GALNT17: variants seen among roughly 807,000 people sequenced by gnomAD.
GALNT17 encodes the protein polypeptide N-acetylgalactosaminyltransferase 17.
Under a neutral mutation model 63.7 loss-of-function variants are expected in GALNT17, and 29 were observed. That is an observed-to-expected ratio of 0.46 (90% CI 0.34 to 0.62). The LOEUF is 0.62. GALNT17 is among the 20% of genes least tolerant of loss of function. GALNT17 has a pLI of 0.01. For missense variants in GALNT17, 603 were observed against 799.6 expected (o/e 0.75, Z 2.97); for synonymous variants, 305 against 318.3 (o/e 0.96, Z 0.45).
chr7:71,248,197 A>C (rs1277097120), intron 1 of GALNT17, among the ~76,000 whole-genome samples: 2 of 152,210 alleles, frequency 1.3e-5, no homozygotes, highest in Non-Finnish European at 2.9e-5. Flanking sequence ...AGAGAGAGAG[A>C]GAGCACAGGA....
At chr7:71,631,543 G>A (rs1234543650) in intron 6 of GALNT17, among the ~76,000 whole-genome samples, 1 of 152,166 alleles carries the variant, frequency 6.6e-6, no homozygotes. Flanking sequence ...TCTGGAGGAA[G>A]AATATTCCAT....
chr7:71,195,502 C>T (rs1452808420), intron 1 of GALNT17, among the ~76,000 whole-genome samples: 2 of 152,058 alleles, frequency 1.3e-5, no homozygotes, highest in Non-Finnish European at 2.9e-5. Context: ...CTACCTGAGT[C>T]TCCTATAGCT....
intron 5 of GALNT17, among the ~76,000 whole-genome samples, chr7:71,530,860 G>A (rs1788709779): frequency 6.6e-6 from 1 of 152,094 alleles, no homozygotes; most frequent in South Asian, 2.1e-4. Context: ...GAGCCACCAT[G>A]CCCGGCCAAG....
intron 1 of GALNT17, among the ~76,000 whole-genome samples, chr7:71,188,154 G>A (rs182851276): frequency 2.0e-5 from 3 of 151,758 alleles, no homozygotes; most frequent in Admixed American, 6.5e-5. Context: ...GGCTGATTCT[G>A]TGTTTTTGCA....
chr7:71,510,549 G>A (rs146723228), intron 5 of GALNT17, among the ~76,000 whole-genome samples: 165 of 152,166 alleles, frequency 1.1e-3, no homozygotes, highest in Non-Finnish European at 1.7e-3. Context: ...GGTCATAATC[G>A]CTGGGAGAAC....
intron 1 of GALNT17, 79 bp downstream of exon 1, chr7:71,133,119 T>G: frequency 3.2e-6 from 4 of 1,240,468 alleles, no homozygotes; most frequent in Non-Finnish European, 4.3e-6. Context: ...CCTTGCGCGC[T>G]GCGCCCTGTG....
At position 71,132,538 on chromosome 7, in the gene GALNT17, G is replaced by C; in HGVS notation, c.-265G>C. The stretch of plus-strand genomic sequence containing the variant: ...GGCCTTTCGCGGAGACGCCTGGACG[G>C]GGCCGTGCGCCGTGGACTGAGCAGG... On this transcript the variant is annotated 5_prime_UTR_variant, in exon 1 of 11. Transcript: ENST00000333538. The C allele has an allele frequency of 2.2e-6, 1 of 452,794 alleles. No homozygotes were observed. Among genetic ancestry groups the C allele is most frequent in the Non-Finnish European group, 3.9e-6 (1 of 256,370 alleles). The allele number at this position is 452,794 out of a possible 1,614,324, so 28.0% of individuals were successfully genotyped here.
chr7:71,376,554 A>AGT (rs1792732109), intron 2 of GALNT17, among the ~76,000 whole-genome samples: 1 of 145,646 alleles, frequency 6.9e-6, no homozygotes, highest in Non-Finnish European at 1.5e-5. Context: ...TATGTGTGCG[A>AGT]GTGTGTGTGT....
At chr7:71,624,203 G>A (rs1315848870) in intron 6 of GALNT17, among the ~76,000 whole-genome samples, 1 of 152,222 alleles carries the variant, frequency 6.6e-6, no homozygotes, top group Non-Finnish European at 1.5e-5. Context: ...GCACTTCAAA[G>A]ATGAATGGAG....
At chr7:71,591,851 C>T (rs935050039) in intron 6 of GALNT17, among the ~76,000 whole-genome samples, 24 of 152,060 alleles carry the variant, frequency 1.6e-4, no homozygotes, top group Admixed American at 7.9e-4. Context: ...TTAGTAAAGA[C>T]GGGGTTTCAC....
At chr7:71,229,186 A>G (rs977474481) in intron 1 of GALNT17, among the ~76,000 whole-genome samples, 5 of 152,192 alleles carry the variant, frequency 3.3e-5, no homozygotes, top group Non-Finnish European at 5.9e-5. Flanking sequence ...TCATGGGTGG[A>G]TGGCCAAGAG....
intron 5 of GALNT17, among the ~76,000 whole-genome samples, chr7:71,542,512 T>C (rs1266962642): frequency 6.6e-6 from 1 of 151,864 alleles, no homozygotes; most frequent in Non-Finnish European, 1.5e-5. Context: ...CTGGCTAACA[T>C]GGTGAAACCC....
intron 1 of GALNT17, among the ~76,000 whole-genome samples, chr7:71,221,288 T>G (rs956467335): frequency 2.6e-5 from 4 of 152,158 alleles, no homozygotes; most frequent in Non-Finnish European, 5.9e-5. Context: ...GCATAGTATT[T>G]CATGGTGTAT....
chr7:71,679,399 A>G (rs566372912), intron 9 of GALNT17, among the ~76,000 whole-genome samples: 1 of 152,174 alleles, frequency 6.6e-6, no homozygotes, highest in Non-Finnish European at 1.5e-5. Context: ...GTCTCTTAAA[A>G]AAAGAAAAAA....
At chr7:71,699,307 G>A (rs576707970) in intron 9 of GALNT17, among the ~76,000 whole-genome samples, 39 of 151,142 alleles carry the variant, frequency 2.6e-4, no homozygotes, top group Middle Eastern at 3.2e-3. Flanking sequence ...GTGAAACCCC[G>A]TCTCTACTAC....
chr7:71,536,224 A>G (rs545183224), intron 5 of GALNT17, among the ~76,000 whole-genome samples: 2 of 152,262 alleles, frequency 1.3e-5, no homozygotes, highest in East Asian at 3.9e-4. Context: ...CCAGGCTCTG[A>G]TGATGCCCCT....
At chr7:71,619,200 T>C (rs1490426724) in intron 6 of GALNT17, among the ~76,000 whole-genome samples, 1 of 152,208 alleles carries the variant, frequency 6.6e-6, no homozygotes, top group Non-Finnish European at 1.5e-5. Context: ...TGTGGCTTTG[T>C]AGTATAGTTT....
intron 6 of GALNT17, among the ~76,000 whole-genome samples, chr7:71,610,917 C>T (rs899277709): frequency 2.1e-5 from 3 of 145,360 alleles, no homozygotes; most frequent in Admixed American, 7.2e-5. Flanking sequence ...ATTTGGAAGG[C>T]GGAGGTTGCA....
chr7:71,290,190 C>G (rs1033152378), intron 1 of GALNT17, among the ~76,000 whole-genome samples: 1 of 152,146 alleles, frequency 6.6e-6, no homozygotes, highest in African/African-American at 2.4e-5. Flanking sequence ...AAAAAGAAAC[C>G]GTGTACCTAT....
Sources: gnomAD v4.1 joint callset for allele counts (sites outside exome capture counted in the v4.1 genomes callset) on GRCh38, gnomAD v4.1.1 for gene constraint, MANE v1.5 for transcripts, NCBI Gene and HGNC (gene_info 2026-07-23, HGNC 2026-07-21) for gene names.